CHUK: variants seen among roughly 807,000 people sequenced by gnomAD.
The protein encoded by CHUK is inhibitor of nuclear factor kappa-B kinase subunit alpha.
In CHUK, 35 loss-of-function variants were observed where a neutral mutation model predicts 104.8. The ratio of observed to expected loss-of-function variants is 0.33; its 90% CI spans 0.26 to 0.44. The LOEUF (loss-of-function observed/expected upper bound fraction) is 0.44. CHUK is among the 20% of genes least tolerant of loss of function. CHUK has a pLI of 1.00. For missense variants in CHUK, 663 were observed against 902.7 expected, an observed-to-expected ratio of 0.73 and a Z score of 3.40; for synonymous variants, 276 against 291.9, an observed-to-expected ratio of 0.95 and a Z score of 0.56.
intron 9 of CHUK, among the ~76,000 whole-genome samples, chr10:100,215,948 GA>G (rs940166527): frequency 6.6e-6 from 1 of 152,100 alleles, no homozygotes; most frequent in African/African-American, 2.4e-5. Context: ...GAAGCTTCTT[GA>G]ACTACTATAA....
chr10:100,222,129 G>T lies in CHUK; in HGVS notation c.368C>A (p.Ser123Tyr). ...ATACGTACCTATATCACTTAGTAAA[G>T]AAAGTATCTGGCTTTCTTTAAGTCC... is the stretch of plus-strand genomic sequence containing the variant. Reference protein sequence around the residue: ...CCGLKESQILSLLSDIGSGIR... With the variant: ...CCGLKESQILYLLSDIGSGIR... Residue 123 changes from serine to tyrosine, a missense_variant, in exon 4 of 21, where the codon TCT (serine) becomes TAT (tyrosine). Physicochemically the swap from Ser to Tyr is moderately radical, Grantham distance 144. Around this residue, in one of 5 missense-constraint regions of CHUK, gnomAD observed 200 missense variants for 333.0 expected, o/e 0.60. Transcript: ENST00000370397. The T allele has an allele frequency of 1.3e-6, 2 of 1,574,486 alleles. No homozygotes were observed. The highest frequency in any genetic ancestry group is 1.7e-6 in the Non-Finnish European group (2 of 1,145,200).
intron 10 of CHUK, among the ~76,000 whole-genome samples, chr10:100,208,690 C>T (rs948289775): frequency 6.6e-5 from 10 of 150,570 alleles, no homozygotes; most frequent in Non-Finnish European, 1.3e-4. Flanking sequence ...GAGGCTGTGG[C>T]AGGGAGAATC....
intron 9 of CHUK, among the ~76,000 whole-genome samples, chr10:100,216,189 GCTATGATTC>G (rs1240416580): frequency 6.6e-6 from 1 of 152,152 alleles, no homozygotes; most frequent in Admixed American, 6.6e-5. Context: ...CAGAAACTAT[GCTATGATTC>G]CTATGACAAG....
Position 100,218,703 on chromosome 10 carries a change from C to T in CHUK, c.797+15G>A, listed in dbSNP as rs780695471. On this transcript the variant is annotated intron_variant, in intron 8 of 20. Transcript: ENST00000370397. The stretch of plus-strand genomic sequence containing the variant: ...GAGAAACTGAGGCAAACTTCCTTAA[C>T]TAAAATATACTTACCTACAAAGGCT... 2.9e-5 allele frequency: 46 copies of T among 1,561,324 alleles called. No homozygotes were observed. The highest frequency in any genetic ancestry group is 4.0e-5 in the Non-Finnish European group (45 of 1,132,122).
intron 13 of CHUK, among the ~76,000 whole-genome samples, chr10:100,203,540 CAG>C (rs1005724459): frequency 4.9e-4 from 74 of 152,060 alleles, no homozygotes; most frequent in African/African-American, 1.7e-3. Context: ...CTGAGATACA[CAG>C]AGTTTGCTCA....
chr10:100,205,054 A>G (rs1248806961), intron 12 of CHUK, 22 bp downstream of exon 12: 3 of 1,613,932 alleles, frequency 1.9e-6, no homozygotes, highest in African/African-American at 1.3e-5. Context: ...CATTGTGCTT[A>G]TAAACAACAG....
At chr10:100,208,355 C>G (rs894044858) in intron 10 of CHUK, among the ~76,000 whole-genome samples, 2 of 152,214 alleles carry the variant, frequency 1.3e-5, no homozygotes, top group African/African-American at 4.8e-5. Flanking sequence ...ATCCACCCAC[C>G]TTGGGTTCCC....
At chr10:100,214,228 A>G (rs533624198) in intron 9 of CHUK, among the ~76,000 whole-genome samples, 105 of 152,348 alleles carry the variant, frequency 6.9e-4, no homozygotes, top group African/African-American at 2.2e-3. Flanking sequence ...TTTGCTCACT[A>G]TAATATTTAA....
At chr10:100,206,240 G>T (rs952255036) in intron 11 of CHUK, among the ~76,000 whole-genome samples, 5 of 150,758 alleles carry the variant, frequency 3.3e-5, no homozygotes, top group African/African-American at 1.2e-4. Context: ...ATGTAAAATA[G>T]ATTTTTTTTT....
chr10:100,193,031 C>T, intron 19 of CHUK: 2 of 465,654 alleles, frequency 4.3e-6, no homozygotes, highest in Non-Finnish European at 7.8e-6. Context: ...TAATAATACG[C>T]AACATTTGCT....
Position 100,209,613 on chromosome 10 carries a change from T to G in CHUK, c.1110A>C (p.Gln370His), listed in dbSNP as rs1845674480. 11 of 1,605,224 alleles carry G rather than the reference T, an allele frequency of 6.9e-6. No homozygotes were observed. The highest frequency in any genetic ancestry group is 9.4e-6 in the Non-Finnish European group (11 of 1,171,954). Residue 370 changes from glutamine to histidine, a missense_variant, in exon 10 of 21, where the codon CAA becomes CAC. Physicochemically the swap from Gln to His is conservative, Grantham distance 24. Around this residue, in one of 5 missense-constraint regions of CHUK, gnomAD observed 93 missense variants for 95.9 expected, o/e 0.97. Coordinates refer to ENST00000370397, the MANE Select transcript of CHUK (RefSeq NM_001278.5). Reference protein sequence around the residue: ...ISLDPRKPASQCVLDGVRGCD... With the variant: ...ISLDPRKPASHCVLDGVRGCD... ...TTCTTACAACTCCATCTAGAACACA[T>G]TGAGAGGCTGGTTTCCGAGGATCCA...
intron 16 of CHUK, 90 bp from the exon 17 acceptor site, chr10:100,194,611 T>TA: frequency 5.3e-6 from 4 of 749,250 alleles, no homozygotes; most frequent in Non-Finnish European, 9.3e-6. Flanking sequence ...CCTGAAACTC[T>TA]GAAACTAATT....
intron 20 of CHUK, chr10:100,190,475 T>C: frequency 4.3e-6 from 1 of 233,006 alleles, no homozygotes; most frequent in South Asian, 5.7e-5. Flanking sequence ...CACTTATTAT[T>C]ACAACTATAT....
chr10:100,222,820 TA>T, intron 3 of CHUK, 45 bp downstream of exon 3: 1 of 926,990 alleles, frequency 1.1e-6, no homozygotes, highest in Non-Finnish European at 1.8e-6. Context: ...CAAACATTGC[TA>T]AAGTTTGTGA....
intron 20 of CHUK, 189 bp downstream of exon 20, chr10:100,190,679 TA>T (rs1564827457): frequency 4.9e-6 from 3 of 609,000 alleles, no homozygotes; most frequent in Non-Finnish European, 8.9e-6. Flanking sequence ...ATTGATGACA[TA>T]ATCCTAGTAT....
At chr10:100,208,889 T>A (rs576777269) in intron 10 of CHUK, among the ~76,000 whole-genome samples, 2 of 149,218 alleles carry the variant, frequency 1.3e-5, no homozygotes, top group Non-Finnish European at 3.0e-5. Flanking sequence ...AAAAGCAAAA[T>A]AACAAAGGAA....
At chr10:100,223,224 A>G (rs1846030668) in intron 2 of CHUK, among the ~76,000 whole-genome samples, 1 of 152,224 alleles carries the variant, frequency 6.6e-6, no homozygotes, top group South Asian at 2.1e-4. Flanking sequence ...CATTTTAAAT[A>G]TATTAACTCA....
rs1485572251 is a variant in CHUK, at chr10:100,194,521, T to G, written c.1730A>C (p.Asp577Ala). The change falls in exon 17 of 21, where the codon GAT becomes GCT. Residue 577 changes from aspartate to alanine, a missense_variant and splice_region_variant. Asp to Ala is a moderately radical substitution (Grantham distance 126). Around this residue, in one of 5 missense-constraint regions of CHUK, gnomAD observed 311 missense variants for 393.4 expected, o/e 0.79. Transcript: ENST00000370397. ...CTCTGTGCTGTCACTGTAGGAGTGA[T>G]CTATAAAAGACATCAGTCAGTGGAT... Reference protein sequence around the residue: ...LYKQLKHRPSDHSYSDSTEMV... With the variant: ...LYKQLKHRPSAHSYSDSTEMV... 10 of 1,600,252 alleles carry G rather than the reference T, an allele frequency of 6.2e-6. No individual in the cohort carries two copies. The highest frequency in any genetic ancestry group is 8.6e-6 in the Non-Finnish European group (10 of 1,167,642).
At chr10:100,200,158 C>A in intron 15 of CHUK, 138 bp from the exon 16 acceptor site, 1 of 763,142 alleles carries the variant, frequency 1.3e-6, no homozygotes, top group Non-Finnish European at 2.4e-6. Context: ...TTTCACAGAG[C>A]ATTGTATTGA....
Sources: allele counts gnomAD v4.1 joint callset (sites outside exome capture counted in the v4.1 genomes callset), GRCh38; gene constraint gnomAD v4.1.1; regional missense constraint gnomAD v4.1.1; transcripts MANE v1.5; gene names NCBI Gene and HGNC (gene_info 2026-07-23, HGNC 2026-07-21).